CDKAL1: variants seen among roughly 807,000 people sequenced by gnomAD.
The protein encoded by CDKAL1 is threonylcarbamoyladenosine tRNA methylthiotransferase.
Under a neutral mutation model 68.2 loss-of-function variants are expected in CDKAL1, and 32 were observed. That is an observed-to-expected ratio of 0.47 (90% CI 0.35 to 0.63). CDKAL1 has a LOEUF of 0.63. CDKAL1 is among the 30% of genes least tolerant of loss of function. The pLI, the probability that CDKAL1 is intolerant of heterozygous loss-of-function variation, is 0.00. For synonymous variants in CDKAL1, 234 were observed against 244.3 expected (o/e 0.96, Z 0.39); for missense variants, 606 against 696.7 (o/e 0.87, Z 1.47).
chr6:20,991,525 C>T (rs917462198), intron 10 of CDKAL1, among the ~76,000 whole-genome samples: 2 of 151,602 alleles, frequency 1.3e-5, no homozygotes, highest in Non-Finnish European at 2.9e-5. Context: ...CTGGCCAACA[C>T]GGTGAAACCC....
Position 20,851,146 on chromosome 6 carries a change from G to A in CDKAL1, c.742+4968G>A, listed in dbSNP as rs899986084. 7.3e-5 allele frequency among the ~76,000 whole-genome samples: 11 copies of A among 151,662 alleles called. No individual in the cohort carries two copies. In the East Asian group the frequency reaches 2.2e-3, roughly 30 times the overall value. On this transcript the variant is annotated intron_variant, in intron 9 of 15. Transcript: ENST00000274695. ...CCAGGTAATTTCTGGGTATCATTTTGTTGTTCTCACAGACTGTTGTGAAAC... is the reference window on the plus strand; with the variant it reads ...CCAGGTAATTTCTGGGTATCATTTTATTGTTCTCACAGACTGTTGTGAAAC...
intron 10 of CDKAL1, among the ~76,000 whole-genome samples, chr6:20,995,107 A>G (rs909583689): frequency 2.6e-5 from 4 of 152,202 alleles, no homozygotes; most frequent in Non-Finnish European, 5.9e-5. Context: ...TGATGATGAG[A>G]TTGCAGCAAT....
At chr6:21,141,122 A>G (rs1236129328) in intron 13 of CDKAL1, among the ~76,000 whole-genome samples, 1 of 152,120 alleles carries the variant, frequency 6.6e-6, no homozygotes, top group African/African-American at 2.4e-5. Flanking sequence ...CAGCCAAACC[A>G]TATCACTACA....
At chr6:20,630,665 G>A (rs1194566371) in intron 4 of CDKAL1, among the ~76,000 whole-genome samples, 1 of 152,100 alleles carries the variant, frequency 6.6e-6, no homozygotes, top group Non-Finnish European at 1.5e-5. Context: ...CCTGAATATT[G>A]GAGTGAAGAC....
chr6:20,694,230 C>A (rs1364226600), intron 5 of CDKAL1, among the ~76,000 whole-genome samples: 1 of 152,052 alleles, frequency 6.6e-6, no homozygotes, highest in Non-Finnish European at 1.5e-5. Context: ...TTTGTAGAGA[C>A]AGGGTTTCAC....
At chr6:20,736,547 G>A (rs1243282253) in intron 5 of CDKAL1, among the ~76,000 whole-genome samples, 1 of 152,146 alleles carries the variant, frequency 6.6e-6, no homozygotes, top group Non-Finnish European at 1.5e-5. Context: ...GAGGCAGGCA[G>A]ATCACGAGGT....
At chr6:20,680,103 T>C (rs996299409) in intron 5 of CDKAL1, among the ~76,000 whole-genome samples, 2 of 152,200 alleles carry the variant, frequency 1.3e-5, no homozygotes, top group African/African-American at 4.8e-5. Flanking sequence ...GCTCTTGCTC[T>C]GTTGCCCAGG....
chr6:21,047,759 G>A (rs1770323810), intron 11 of CDKAL1, among the ~76,000 whole-genome samples: 1 of 152,172 alleles, frequency 6.6e-6, no homozygotes, highest in Non-Finnish European at 1.5e-5. Context: ...GTACAAAGGA[G>A]GGACTGTGAA....
intron 5 of CDKAL1, among the ~76,000 whole-genome samples, chr6:20,686,606 A>G (rs1234811750): frequency 6.6e-6 from 1 of 152,242 alleles, no homozygotes; most frequent in African/African-American, 2.4e-5. Flanking sequence ...AATAAAGTGC[A>G]CAATAAATGT....
At chr6:20,734,716 A>T (rs182388434) in intron 5 of CDKAL1, among the ~76,000 whole-genome samples, 10 of 152,284 alleles carry the variant, frequency 6.6e-5, no homozygotes, top group African/African-American at 1.7e-4. Context: ...AGCCAAATTT[A>T]AAAAAATAAT....
intron 8 of CDKAL1, among the ~76,000 whole-genome samples, chr6:20,804,995 A>C: frequency 6.6e-6 from 1 of 152,174 alleles, no homozygotes; most frequent in East Asian, 1.9e-4. Context: ...ACTTCACTCC[A>C]GCCTGGGTGA....
chr6:20,904,788 T>G (rs996395011), intron 9 of CDKAL1, among the ~76,000 whole-genome samples: 1 of 94,754 alleles, frequency 1.1e-5, no homozygotes, highest in Non-Finnish European at 2.1e-5. Context: ...AAACTCCATC[T>G]CAAGAAAAAA....
intron 9 of CDKAL1, among the ~76,000 whole-genome samples, chr6:20,936,435 A>G (rs893356153): frequency 1.3e-5 from 2 of 150,516 alleles, no homozygotes; most frequent in African/African-American, 4.9e-5. Context: ...TATTTTTAGT[A>G]GAGACGGGGT....
At chr6:20,735,810 T>G (rs1773165082) in intron 5 of CDKAL1, among the ~76,000 whole-genome samples, 1 of 152,248 alleles carries the variant, frequency 6.6e-6, no homozygotes, top group African/African-American at 2.4e-5. Context: ...ATGTAAGTGC[T>G]AACCACAGTT....
chr6:21,082,317 GAAAC>G (rs144615240), intron 12 of CDKAL1, among the ~76,000 whole-genome samples: 3,770 of 152,256 alleles, frequency 0.025, 151 homozygotes, highest in African/African-American at 0.083. Context: ...ATATGTGCCA[GAAAC>G]AAACAAACAT....
chr6:20,616,766 G>A (rs1766922872), intron 4 of CDKAL1, among the ~76,000 whole-genome samples: 1 of 151,684 alleles, frequency 6.6e-6, no homozygotes, highest in African/African-American at 2.4e-5. Flanking sequence ...CACTTTGGGA[G>A]GCTGAGGTGG....
chr6:20,901,568 C>T (rs1396218790), intron 9 of CDKAL1, among the ~76,000 whole-genome samples: 2 of 149,494 alleles, frequency 1.3e-5, no homozygotes, highest in African/African-American at 4.9e-5. Flanking sequence ...GTAGTCCCAG[C>T]TACTCGGGAG....
chr6:20,763,561 A>G (rs2150354742), intron 7 of CDKAL1, among the ~76,000 whole-genome samples: 1 of 152,298 alleles, frequency 6.6e-6, no homozygotes, highest in South Asian at 2.1e-4. Flanking sequence ...GGATTTTGCT[A>G]TAACCCTCTT....
At chr6:20,958,539 C>A (rs138122088) in intron 10 of CDKAL1, among the ~76,000 whole-genome samples, 2 of 152,132 alleles carry the variant, frequency 1.3e-5, no homozygotes, top group African/African-American at 4.8e-5. Context: ...AGGCTTAGAC[C>A]ACTCTACAGA....
Sources: gnomAD v4.1 joint callset for allele counts (sites outside exome capture counted in the v4.1 genomes callset) on GRCh38, gnomAD v4.1.1 for gene constraint, MANE v1.5 for transcripts, NCBI Gene and HGNC (gene_info 2026-07-23, HGNC 2026-07-21) for gene names.